ROR2: variants seen among roughly 807,000 people sequenced by gnomAD.
The protein encoded by ROR2 is ROR family WNT receptor 2.
ROR2 carries 33 observed loss-of-function variants against 74.9 expected under a neutral mutation model. The observed-to-expected ratio is 0.44, with a 90% CI of 0.33 to 0.59. ROR2 has a LOEUF of 0.59. Among genes scored for constraint, ROR2 ranks in the 20% least tolerant of loss-of-function variants. The pLI is 0.02. For missense variants in ROR2, 1,216 were observed against 1,313.8 expected (o/e 0.93, Z 1.15); for synonymous variants, 586 against 558.7 (o/e 1.05, Z -0.69).
chr9:91,878,216 G>A (rs1420823327), intron 1 of ROR2, among the ~76,000 whole-genome samples: 1 of 152,180 alleles, frequency 6.6e-6, no homozygotes, highest in Non-Finnish European at 1.5e-5. Context: ...AAGGGAAATG[G>A]CAGGAAGCAG....
At chr9:91,877,731 T>C (rs1164608072) in intron 1 of ROR2, among the ~76,000 whole-genome samples, 1 of 152,192 alleles carries the variant, frequency 6.6e-6, no homozygotes, top group Non-Finnish European at 1.5e-5. Context: ...ATTGACAGAC[T>C]AAATTACACT....
At chr9:91,725,247 C>G in intron 8 of ROR2, 140 bp from the exon 9 acceptor site, 1 of 1,423,538 alleles carries the variant, frequency 7.0e-7, no homozygotes, top group Non-Finnish European at 9.8e-7. Flanking sequence ...TTTTGCCCAC[C>G]CAGCCTTGGC....
chr9:91,871,763 T>C (rs1307110551), intron 1 of ROR2, among the ~76,000 whole-genome samples: 4 of 152,090 alleles, frequency 2.6e-5, no homozygotes, highest in Non-Finnish European at 4.4e-5. Context: ...AGAGAGTCCT[T>C]TTTGGAACCC....
rs372783960 is a variant in ROR2 at position 91,878,491 on chromosome 9, T to C, written c.97+71376A>G. Among the ~76,000 whole-genome samples, 4 of 152,372 alleles carry C rather than the reference T, an allele frequency of 2.6e-5. No individual in the cohort carries two copies. In the South Asian group the frequency reaches 8.3e-4, roughly 32 times the overall value. On this transcript the variant is annotated intron_variant, in intron 1 of 8. Transcript: ENST00000375708. ...GAGCATCTCCCAAGTTATTCATTTC[T>C]TGGACTCTTATTATAAAATGTAGTT...
chr9:91,795,471 T>C (rs915446074), intron 1 of ROR2, among the ~76,000 whole-genome samples: 1 of 152,252 alleles, frequency 6.6e-6, no homozygotes, highest in African/African-American at 2.4e-5. Flanking sequence ...GAATTTTTTC[T>C]TTAAACTAAT....
intron 2 of ROR2, among the ~76,000 whole-genome samples, chr9:91,771,327 A>G (rs1303565834): frequency 6.6e-6 from 1 of 152,240 alleles, no homozygotes; most frequent in East Asian, 1.9e-4. Context: ...TCCCACAAAC[A>G]TTCCAAAGTA....
In ROR2 at chr9:91,723,471, C is replaced by G. The variant is rs371504995; in HGVS notation, c.*191G>C. 9.1e-6 allele frequency: 8 copies of G among 877,056 alleles called. No homozygotes were observed. Among genetic ancestry groups the G allele is most frequent in the Admixed American group, 5.7e-5 (2 of 34,940 alleles). The allele number at this position is 877,056 out of a possible 1,614,324, so 54.3% of individuals were successfully genotyped here. A position where few individuals can be genotyped will look rare whatever the true frequency, so the allele number is the denominator to read the frequency against. On this transcript the variant is annotated 3_prime_UTR_variant, in exon 9 of 9. Coordinates refer to ENST00000375708, the MANE Select transcript of ROR2 (RefSeq NM_004560.4). ...CCAGACCCCCTGCCTGGCTTGGGTG[C>G]TCCTAGGCAGGGCAGCTCTCTGTGT...
At chr9:91,764,589 A>ACACACACACACAC (rs1564260353) in intron 2 of ROR2, among the ~76,000 whole-genome samples, 3 of 145,510 alleles carry the variant, frequency 2.1e-5, no homozygotes, top group African/African-American at 7.8e-5. Context: ...CACACACACC[A>ACACACACACACAC]CACACATTGA....
intron 1 of ROR2, among the ~76,000 whole-genome samples, chr9:91,937,526 T>A (rs1469624543): frequency 1.3e-5 from 2 of 151,746 alleles, no homozygotes; most frequent in Admixed American, 1.3e-4. Flanking sequence ...CTTCCCACCT[T>A]CTCCTCTGGT....
chr9:91,804,022 C>T (rs983307371), intron 1 of ROR2, among the ~76,000 whole-genome samples: 1 of 152,164 alleles, frequency 6.6e-6, no homozygotes, highest in Non-Finnish European at 1.5e-5. Flanking sequence ...TGCTATGACC[C>T]TAAAATCACC....
At chr9:91,889,522 T>C (rs940735653) in intron 1 of ROR2, among the ~76,000 whole-genome samples, 1 of 152,154 alleles carries the variant, frequency 6.6e-6, no homozygotes, top group African/African-American at 2.4e-5. Flanking sequence ...ACCCTCTCTG[T>C]GTGGACCCGG....
intron 1 of ROR2, chr9:91,948,552 C>T (rs2118115097): frequency 1.0e-6 from 1 of 984,358 alleles, no homozygotes; most frequent in East Asian, 1.1e-4. Context: ...TCAACATCTG[C>T]TTAAACTAAA....
chr9:91,800,444 G>T (rs936024147), intron 1 of ROR2, among the ~76,000 whole-genome samples: 1 of 152,086 alleles, frequency 6.6e-6, no homozygotes, highest in Non-Finnish European at 1.5e-5. Flanking sequence ...CTTAGCCAAC[G>T]ATGGGAACAT....
At chr9:91,793,696 A>G (rs1587724345) in intron 1 of ROR2, among the ~76,000 whole-genome samples, 3 of 149,478 alleles carry the variant, frequency 2.0e-5, no homozygotes, top group African/African-American at 7.4e-5. Flanking sequence ...TGGGAGGGGG[A>G]GGTTGCAGTA....
intron 1 of ROR2, among the ~76,000 whole-genome samples, chr9:91,904,721 T>TA (rs761400802): frequency 1.3e-5 from 2 of 152,182 alleles, no homozygotes; most frequent in Non-Finnish European, 2.9e-5. Flanking sequence ...CCCTGGCTCC[T>TA]ACGCTCCACT....
intron 1 of ROR2, among the ~76,000 whole-genome samples, chr9:91,908,697 A>G (rs1830878352): frequency 6.6e-6 from 1 of 152,222 alleles, no homozygotes; most frequent in Non-Finnish European, 1.5e-5. Context: ...TACTAATAAC[A>G]AATAAAATTA....
chr9:91,760,637 A>AG (rs2118866218), intron 2 of ROR2, among the ~76,000 whole-genome samples: 1 of 151,600 alleles, frequency 6.6e-6, no homozygotes, highest in Admixed American at 6.6e-5. Flanking sequence ...CTGTCTCAAA[A>AG]AAAAAAAAAA....
At chr9:91,780,924 T>A (rs1385956818) in intron 1 of ROR2, among the ~76,000 whole-genome samples, 1 of 152,260 alleles carries the variant, frequency 6.6e-6, no homozygotes, top group Non-Finnish European at 1.5e-5. Flanking sequence ...TAATGAAGTT[T>A]CACCTATGCC....
chr9:91,824,274 C>T (rs1534535), intron 1 of ROR2, among the ~76,000 whole-genome samples: 24,248 of 152,176 alleles, frequency 0.16, 2,405 homozygotes, highest in Admixed American at 0.25. Flanking sequence ...CATCCAAGCC[C>T]CTTGGATTAC....
Sources: gnomAD v4.1 joint callset for allele counts (sites outside exome capture counted in the v4.1 genomes callset) on GRCh38, gnomAD v4.1.1 for gene constraint, MANE v1.5 for transcripts, NCBI Gene and HGNC (gene_info 2026-07-23, HGNC 2026-07-21) for gene names.